UBE2K: variants seen among roughly 807,000 people sequenced by gnomAD.
The protein encoded by UBE2K is ubiquitin conjugating enzyme E2 K, also known as ubiquitin-conjugating enzyme E2 K.
UBE2K carries 6 observed loss-of-function variants against 30.0 expected under a neutral mutation model. The ratio of observed to expected loss-of-function variants is 0.20; its 90% CI spans 0.11 to 0.39. The LOEUF is 0.39. Among genes scored for constraint, UBE2K ranks in the 10% least tolerant of loss-of-function variants. UBE2K has a pLI of 1.00. For synonymous variants in UBE2K, 86 were observed against 83.7 expected (o/e 1.03, Z -0.15); for missense variants, 61 against 241.6 (o/e 0.25, Z 4.96).
chr4:39,712,647 C>T (rs1335251421), intron 1 of UBE2K, among the ~76,000 whole-genome samples: 1 of 151,876 alleles, frequency 6.6e-6, no homozygotes, highest in Admixed American at 6.6e-5. Flanking sequence ...GTCTTGAACT[C>T]TTGACCTTGT....
chr4:39,760,515 T>A (rs1711854712), intron 4 of UBE2K, among the ~76,000 whole-genome samples: 1 of 152,146 alleles, frequency 6.6e-6, no homozygotes, highest in Non-Finnish European at 1.5e-5. Context: ...GACTCAGTCA[T>A]GTTGAGTGAC....
intron 1 of UBE2K, among the ~76,000 whole-genome samples, chr4:39,702,714 A>G (rs1718105755): frequency 6.6e-6 from 1 of 152,158 alleles, no homozygotes; most frequent in Admixed American, 6.6e-5. Context: ...AGCTTGATCT[A>G]GATTATTCTG....
chr4:39,714,550 A>ATATATATATATTTTTTTTTTTTTTT, intron 1 of UBE2K: 2 of 17,854 alleles, frequency 1.1e-4, no homozygotes, highest in African/African-American at 2.5e-4. Flanking sequence ...ATATATATAT[A>ATATATATATATTTTTTTTTTTTTTT]TTTTTTTTTT....
At chr4:39,743,411 G>A (rs1485831722) in intron 2 of UBE2K, among the ~76,000 whole-genome samples, 1 of 152,134 alleles carries the variant, frequency 6.6e-6, no homozygotes, top group African/African-American at 2.4e-5. Context: ...AGACCATCCT[G>A]GCTAACACGG....
chr4:39,760,198 A>AG, intron 4 of UBE2K, among the ~76,000 whole-genome samples: 1 of 142,926 alleles, frequency 7.0e-6, no homozygotes, highest in African/African-American at 2.6e-5. Flanking sequence ...AAAAACAGAA[A>AG]AAAAAAAAAA....
At chr4:39,758,558 AT>A (rs1466719217) in intron 4 of UBE2K, among the ~76,000 whole-genome samples, 2 of 152,138 alleles carry the variant, frequency 1.3e-5, no homozygotes, top group East Asian at 3.8e-4. Flanking sequence ...CATACCTGTA[AT>A]CCCAGCTACT....
chr4:39,703,530 G>T (rs995269570), intron 1 of UBE2K, among the ~76,000 whole-genome samples: 3 of 151,892 alleles, frequency 2.0e-5, no homozygotes, highest in Admixed American at 6.6e-5. Flanking sequence ...AAAAGAAAAT[G>T]ATTCCTGGCT....
intron 1 of UBE2K, among the ~76,000 whole-genome samples, chr4:39,713,613 T>G (rs1718841046): frequency 6.6e-6 from 1 of 152,094 alleles, no homozygotes; most frequent in African/African-American, 2.4e-5. Flanking sequence ...TTTTAAATGT[T>G]CAGTGGCATT....
chr4:39,728,973 CTT>C (rs76762722), intron 1 of UBE2K, among the ~76,000 whole-genome samples: 37 of 137,502 alleles, frequency 2.7e-4, no homozygotes, highest in African/African-American at 4.0e-4. Flanking sequence ...AGCCCCCCAC[CTT>C]TTTTTTTTTT....
intron 1 of UBE2K, among the ~76,000 whole-genome samples, chr4:39,736,908 A>G (rs865928157): frequency 1.9e-4 from 29 of 152,318 alleles, no homozygotes; most frequent in Middle Eastern, 6.8e-3. Context: ...ATTCTGGTGG[A>G]TAGTGTACTA....
chr4:39,731,819 C>G (rs1720089386), intron 1 of UBE2K, among the ~76,000 whole-genome samples: 1 of 152,112 alleles, frequency 6.6e-6, no homozygotes, highest in Admixed American at 6.6e-5. Flanking sequence ...TTAGGAAGAA[C>G]TAAATTTCAC....
chr4:39,698,161 G>A lies in UBE2K; in HGVS notation c.-167G>A. The A allele has an allele frequency of 1.4e-6, 1 of 697,976 alleles. No homozygotes were observed. Among genetic ancestry groups the A allele is most frequent in the Non-Finnish European group, 2.6e-6 (1 of 390,778 alleles). 43.2% of individuals were successfully genotyped at this position (697,976 alleles called of 1,614,324 possible). ...GCCATTTTGGTGGCCGGGCGCGGAG[G>A]TGATTCCACACTGAGGCGAGCGCGG... On this transcript the variant is annotated 5_prime_UTR_variant, in exon 1 of 7. In the 5' UTR this introduces an upstream ATG that the reference lacks. Coordinates refer to ENST00000261427, the MANE Select transcript of UBE2K (RefSeq NM_005339.5).
chr4:39,724,480 C>T (rs559570435), intron 1 of UBE2K, among the ~76,000 whole-genome samples: 157 of 147,314 alleles, frequency 1.1e-3, no homozygotes, highest in African/African-American at 3.7e-3. Context: ...GGCATGGTGG[C>T]TCATGCCTGT....
chr4:39,775,716 C>T (rs982829404), intron 5 of UBE2K, among the ~76,000 whole-genome samples: 3 of 152,200 alleles, frequency 2.0e-5, no homozygotes, highest in Non-Finnish European at 4.4e-5. Flanking sequence ...CACACCATTG[C>T]ACTCCAGCCT....
intron 1 of UBE2K, among the ~76,000 whole-genome samples, chr4:39,726,473 A>G (rs1719757921): frequency 6.6e-6 from 1 of 151,858 alleles, no homozygotes; most frequent in African/African-American, 2.4e-5. Flanking sequence ...CTCCTGCCTC[A>G]GTCTCCCAAA....
chr4:39,725,478 T>C (rs1416032822), intron 1 of UBE2K, among the ~76,000 whole-genome samples: 1 of 151,664 alleles, frequency 6.6e-6, no homozygotes. Context: ...GGCTGTGATA[T>C]TCACAGTTGC....
At chr4:39,739,243 G>A (rs1720542352) in intron 2 of UBE2K, among the ~76,000 whole-genome samples, 1 of 150,896 alleles carries the variant, frequency 6.6e-6, no homozygotes, top group Non-Finnish European at 1.5e-5. Context: ...GTGTTAGCCA[G>A]AATGGTCTCG....
chr4:39,704,954 T>C (rs1202608181), intron 1 of UBE2K, among the ~76,000 whole-genome samples: 1 of 141,212 alleles, frequency 7.1e-6, no homozygotes, highest in Non-Finnish European at 1.5e-5. Context: ...CACCGCAACC[T>C]CCGCCTCCCG....
chr4:39,725,393 A>C (rs905869474), intron 1 of UBE2K, among the ~76,000 whole-genome samples: 4 of 149,164 alleles, frequency 2.7e-5, no homozygotes, highest in East Asian at 1.9e-4. Context: ...AAAAAAAAAA[A>C]AAAAAAAAAA....
Sources: gnomAD v4.1 joint callset for allele counts (sites outside exome capture counted in the v4.1 genomes callset) on GRCh38, gnomAD v4.1.1 for gene constraint, MANE v1.5 for transcripts, NCBI Gene and HGNC (gene_info 2026-07-23, HGNC 2026-07-21) for gene names.